SLC16A10: variants seen among roughly 807,000 people sequenced by gnomAD.
SLC16A10 encodes the protein solute carrier family 16 member 10, also known as monocarboxylate transporter 10.
SLC16A10 carries 27 observed loss-of-function variants against 40.0 expected under a neutral mutation model. The ratio of observed to expected loss-of-function variants is 0.67; its 90% confidence interval spans 0.50 to 0.93. SLC16A10 has a LOEUF of 0.93. Among genes scored for constraint, SLC16A10 ranks in the 40% least tolerant of loss-of-function variants. The pLI, the probability that SLC16A10 is intolerant of heterozygous loss-of-function variation, is 0.00. For missense variants in SLC16A10, 529 were observed against 658.2 expected, an observed-to-expected ratio of 0.80 and a Z score of 2.15; for synonymous variants, 213 against 249.8, an observed-to-expected ratio of 0.85 and a Z score of 1.39.
At chr6:111,172,614 A>C in intron 1 of SLC16A10, 81 bp from the exon 2 acceptor site, 3 of 1,493,502 alleles carry the variant, frequency 2.0e-6, no homozygotes, top group Non-Finnish European at 2.7e-6. Flanking sequence ...AATTTTTCTA[A>C]ATGTGTATTA....
chr6:111,127,754 A>G (rs903244944), intron 1 of SLC16A10, among the ~76,000 whole-genome samples: 3 of 152,094 alleles, frequency 2.0e-5, no homozygotes, highest in African/African-American at 7.2e-5. Flanking sequence ...CTATCATTGG[A>G]TCTGTTTGCT....
intron 1 of SLC16A10, among the ~76,000 whole-genome samples, chr6:111,134,188 A>G (rs1771835624): frequency 6.6e-6 from 1 of 152,198 alleles, no homozygotes; most frequent in Non-Finnish European, 1.5e-5. Context: ...ACACAGAATC[A>G]GAAGATGGAG....
At position 111,224,071 on chromosome 6, in the gene SLC16A10, G is replaced by T. The variant is rs1770948841; in HGVS notation, c.*1836G>T. On this transcript the variant is annotated 3_prime_UTR_variant, in exon 6 of 6. Transcript: ENST00000368851. ...CTTGGGTAACATAATGAGACCCTGT[G>T]TCTACAAAAAATTTAAAAATTAGCC... 1 of 152,134 alleles carries T rather than the reference G, an allele frequency of 6.6e-6. No individual in the cohort carries two copies. The highest frequency in any genetic ancestry group is 6.6e-5 in the Admixed American group (1 of 15,260). The allele number at this position is 152,134 out of a possible 1,614,324, so 9.4% of individuals were successfully genotyped here. A position where few individuals can be genotyped will look rare whatever the true frequency, so the allele number is the denominator to read the frequency against.
intron 1 of SLC16A10, among the ~76,000 whole-genome samples, chr6:111,102,933 G>A (rs868271062): frequency 6.6e-6 from 1 of 152,028 alleles, no homozygotes; most frequent in African/African-American, 2.4e-5. Context: ...ACAGGGTCTC[G>A]CTCTGTCACC....
At chr6:111,101,205 AT>A (rs1368826266) in intron 1 of SLC16A10, among the ~76,000 whole-genome samples, 1 of 151,290 alleles carries the variant, frequency 6.6e-6, no homozygotes, top group Non-Finnish European at 1.5e-5. Context: ...TAATTTTTGT[AT>A]TTTTTTGTAG....
intron 1 of SLC16A10, among the ~76,000 whole-genome samples, chr6:111,160,802 G>T (rs552055027): frequency 6.6e-6 from 1 of 152,248 alleles, no homozygotes; most frequent in Non-Finnish European, 1.5e-5. Context: ...TCTGTGTCTG[G>T]GTCTGGGGCT....
In SLC16A10 at chr6:111,216,139, G is replaced by A. The variant is rs78744980; in HGVS notation, c.1087-2675G>A. 9.6e-3 allele frequency among the ~76,000 whole-genome samples: 1,458 copies of A among 152,240 alleles called. 8 individuals are homozygous for A. Among genetic ancestry groups the A allele is most frequent in the Middle Eastern group, 0.027 (8 of 294 alleles). On this transcript the variant is annotated intron_variant, in intron 4 of 5. Coordinates refer to ENST00000368851, the MANE Select transcript of SLC16A10 (RefSeq NM_018593.5). ...TTGTCTCAATAAATGGGAAGTATCA[G>A]GAAGTCTTTTTACTTGCTCAAGGTC...
At position 111,087,930 on chromosome 6, in the gene SLC16A10, G is replaced by A; in HGVS notation, c.178G>A (p.Glu60Lys). The change falls in exon 1 of 6, where the codon GAG (glutamate) becomes AAG (lysine). Residue 60 changes from glutamate (E) to lysine (K), a missense_variant. Glu to Lys is a moderately conservative substitution (Grantham distance 56). Coordinates refer to ENST00000368851, the MANE Select transcript of SLC16A10 (RefSeq NM_018593.5). Reference protein sequence around the residue: ...LAGPATAEPHEPPEPPEGGWG... With the variant: ...LAGPATAEPHKPPEPPEGGWG... ...GGGGCCGGCGACCGCGGAGCCCCAT[G>A]AGCCCCCCGAACCCCCCGAGGGCGG... 2 of 1,603,566 alleles carry A rather than the reference G, an allele frequency of 1.2e-6. No individual in the cohort carries two copies. The highest frequency in any genetic ancestry group is 1.7e-6 in the Non-Finnish European group (2 of 1,176,194).
chr6:111,097,171 G>A (rs1771088640), intron 1 of SLC16A10, among the ~76,000 whole-genome samples: 2 of 152,148 alleles, frequency 1.3e-5, no homozygotes, highest in African/African-American at 2.4e-5. Flanking sequence ...AAACATAAAA[G>A]TCTCATGGTA....
intron 1 of SLC16A10, among the ~76,000 whole-genome samples, chr6:111,094,000 A>G (rs970549610): frequency 5.3e-5 from 8 of 152,230 alleles, no homozygotes; most frequent in Non-Finnish European, 8.8e-5. Context: ...AAATACAACA[A>G]TGTGAGATTC....
intron 1 of SLC16A10, among the ~76,000 whole-genome samples, chr6:111,101,313 T>C (rs1193687020): frequency 6.6e-6 from 1 of 152,110 alleles, no homozygotes; most frequent in Non-Finnish European, 1.5e-5. Flanking sequence ...ATTACAGGTC[T>C]GAGCCACTGC....
At chr6:111,164,770 G>GA (rs1373950543) in intron 1 of SLC16A10, among the ~76,000 whole-genome samples, 1 of 151,970 alleles carries the variant, frequency 6.6e-6, no homozygotes, top group African/African-American at 2.4e-5. Context: ...ACAAAAAAGA[G>GA]AAAAAAGCCA....
intron 1 of SLC16A10, among the ~76,000 whole-genome samples, chr6:111,148,645 G>C (rs1260325333): frequency 6.6e-6 from 1 of 152,210 alleles, no homozygotes; most frequent in Non-Finnish European, 1.5e-5. Context: ...AAGGTTTGCT[G>C]TAGTTCTTTA....
intron 4 of SLC16A10, among the ~76,000 whole-genome samples, chr6:111,217,139 G>A (rs1358865297): frequency 1.3e-5 from 2 of 152,226 alleles, no homozygotes; most frequent in East Asian, 3.9e-4. Flanking sequence ...GCACAGTTCT[G>A]TTCACAGCCT....
At position 111,224,692 on chromosome 6, in the gene SLC16A10, G is replaced by GT. The variant is rs532128536; in HGVS notation, c.*2463dup. On this transcript the variant is annotated 3_prime_UTR_variant, in exon 6 of 6. Transcript: ENST00000368851. ...TCCATAAATGCATATTTAGTACTATGTTTTTTGTGGGAAAAGTTCTAAAAG... is the reference window on the plus strand; with the variant it reads ...TCCATAAATGCATATTTAGTACTATGTTTTTTTGTGGGAAAAGTTCTAAAAG... 13 of 152,302 alleles carry GT rather than the reference G, an allele frequency of 8.5e-5. No homozygotes were observed. Among genetic ancestry groups the GT allele is most frequent in the South Asian group, 6.2e-4 (3 of 4,832 alleles). 9.4% of individuals were successfully genotyped at this position (152,302 alleles called of 1,614,324 possible).
At chr6:111,202,592 A>C (rs1773185770) in intron 3 of SLC16A10, among the ~76,000 whole-genome samples, 1 of 152,046 alleles carries the variant, frequency 6.6e-6, no homozygotes, top group African/African-American at 2.4e-5. Flanking sequence ...GAACATAAAT[A>C]AAAGATGAAT....
chr6:111,114,934 G>T (rs889854123), intron 1 of SLC16A10, among the ~76,000 whole-genome samples: 3 of 152,088 alleles, frequency 2.0e-5, no homozygotes, highest in Non-Finnish European at 4.4e-5. Flanking sequence ...GAGTGCAGTG[G>T]TGTGATCTTG....
intron 2 of SLC16A10, chr6:111,173,413 A>G (rs1213004735): frequency 6.6e-6 from 1 of 152,442 alleles, no homozygotes; most frequent in Non-Finnish European, 1.5e-5. Flanking sequence ...ACTTAATGTC[A>G]ATGTACTTCT....
chr6:111,088,480 C>G (rs923249266), intron 1 of SLC16A10, among the ~76,000 whole-genome samples: 5 of 152,140 alleles, frequency 3.3e-5, no homozygotes, highest in African/African-American at 7.2e-5. Context: ...TGGTCTCTTT[C>G]GTGACTATGC....
Sources: gnomAD v4.1 joint callset for allele counts (sites outside exome capture counted in the v4.1 genomes callset) on GRCh38, gnomAD v4.1.1 for gene constraint, MANE v1.5 for transcripts, NCBI Gene and HGNC (gene_info 2026-07-23, HGNC 2026-07-21) for gene names.